Variants in EYS observed in about 807,000 individuals in gnomAD.
EYS encodes protein eyes shut homolog.
Under a neutral mutation model 282.1 loss-of-function variants are expected in EYS, and 250 were observed. The ratio of observed to expected loss-of-function variants is 0.89; its 90% confidence interval spans 0.80 to 0.98. The LOEUF is 0.98. EYS is among the 50% of genes least tolerant of loss of function. EYS has a pLI of 0.00. For synonymous variants in EYS, 1,355 were observed against 1,282.9 expected (o/e 1.06, Z -1.20); for missense variants, 4,016 against 3,709.0 (o/e 1.08, Z -2.15).
At position 64,185,171 on chromosome 6, in the gene EYS, GAAAT is replaced by G. The variant is rs1186937645; in HGVS notation, c.6424+45417_6424+45420del. Among the ~76,000 whole-genome samples, 46 of 149,178 alleles carry G rather than the reference GAAAT, an allele frequency of 3.1e-4. No individual in the cohort carries two copies. In the Admixed American group the frequency reaches 3.1e-3, roughly 10 times the overall value. ...AACTTGTCGGGCTCCCCAAATGTGA[GAAAT>G]AAATAAATAATAAATATGTCATAGC... is the stretch of plus-strand genomic sequence containing the variant. On this transcript the variant is annotated intron_variant, in intron 31 of 42. Transcript: ENST00000503581.
intron 13 of EYS, among the ~76,000 whole-genome samples, chr6:65,041,023 A>G (rs1772918218): frequency 6.6e-6 from 1 of 151,782 alleles, no homozygotes; most frequent in Admixed American, 6.6e-5. Context: ...AGAATTGTAG[A>G]TGAGGCTACT....
At chr6:65,529,203 G>T (rs1374446471) in intron 2 of EYS, among the ~76,000 whole-genome samples, 1 of 151,988 alleles carries the variant, frequency 6.6e-6, no homozygotes, top group Non-Finnish European at 1.5e-5. Context: ...TGTGAATGTT[G>T]CAAGGAGTGA....
At chr6:64,354,495 A>T (rs1365575467) in intron 29 of EYS, among the ~76,000 whole-genome samples, 1 of 151,636 alleles carries the variant, frequency 6.6e-6, no homozygotes, top group African/African-American at 2.4e-5. Context: ...CCATAAAAAA[A>T]GAATGTTAAG....
At chr6:64,130,608 CTAAAACT>C (rs2150281284) in intron 31 of EYS, among the ~76,000 whole-genome samples, 1 of 151,386 alleles carries the variant, frequency 6.6e-6, no homozygotes, top group South Asian at 2.1e-4. Flanking sequence ...CACATGTACC[CTAAAACT>C]TAAAGTATAA....
At chr6:65,012,900 C>T (rs914123250) in intron 13 of EYS, among the ~76,000 whole-genome samples, 6 of 148,952 alleles carry the variant, frequency 4.0e-5, no homozygotes, top group Non-Finnish European at 8.9e-5. Flanking sequence ...CAAGTGGCTA[C>T]TTTTTGCAAT....
intron 26 of EYS, among the ~76,000 whole-genome samples, chr6:64,551,773 T>C (rs1765091676): frequency 6.6e-6 from 1 of 151,936 alleles, no homozygotes; most frequent in Non-Finnish European, 1.5e-5. Flanking sequence ...ATAGAAAAAA[T>C]TTTCACACAC....
intron 30 of EYS, among the ~76,000 whole-genome samples, chr6:64,252,255 A>G (rs1386814402): frequency 6.6e-6 from 1 of 152,066 alleles, no homozygotes; most frequent in African/African-American, 2.4e-5. Context: ...ATCCTCTTTC[A>G]TTGATGCCTT....
intron 31 of EYS, among the ~76,000 whole-genome samples, chr6:64,171,624 TATA>T (rs66488224): frequency 0.31 from 47,060 of 151,518 alleles, 7,325 homozygotes; most frequent in East Asian, 0.51. Flanking sequence ...TGATTATTGA[TATA>T]ACAGTCTTCC....
intron 26 of EYS, among the ~76,000 whole-genome samples, chr6:64,531,490 C>T (rs1028265120): frequency 5.3e-5 from 8 of 151,488 alleles, no homozygotes; most frequent in Admixed American, 5.3e-4. Context: ...GGATTCACGC[C>T]ATTCTCCTGC....
chr6:64,931,173 C>T (rs751572185), intron 15 of EYS, among the ~76,000 whole-genome samples: 11 of 151,988 alleles, frequency 7.2e-5, no homozygotes, highest in Non-Finnish European at 1.3e-4. Flanking sequence ...TTCCATCAGA[C>T]GTTCATTTAT....
intron 35 of EYS, among the ~76,000 whole-genome samples, chr6:63,946,535 G>A (rs868387475): frequency 6.6e-6 from 1 of 151,860 alleles, no homozygotes; most frequent in African/African-American, 2.4e-5. Context: ...GAGGTCTTAC[G>A]CTACATTTTA....
chr6:65,344,239 T>C, intron 9 of EYS, 62 bp from the exon 10 acceptor site: 1 of 1,322,790 alleles, frequency 7.6e-7, no homozygotes, highest in Non-Finnish European at 1.1e-6. Context: ...CAGAATGAAT[T>C]ATTAAGGACT....
chr6:64,993,308 C>A (rs2150123648), intron 14 of EYS, among the ~76,000 whole-genome samples: 1 of 151,884 alleles, frequency 6.6e-6, no homozygotes, highest in Middle Eastern at 3.4e-3. Flanking sequence ...GTCTTTATAG[C>A]AGCATGATTT....
chr6:63,952,303 C>T (rs1765630488), intron 35 of EYS, among the ~76,000 whole-genome samples: 1 of 152,188 alleles, frequency 6.6e-6, no homozygotes, highest in Non-Finnish European at 1.5e-5. Flanking sequence ...GCAGCCACTC[C>T]CAGAGCCCCT....
At chr6:64,004,119 A>C (rs1323800147) in intron 33 of EYS, among the ~76,000 whole-genome samples, 3 of 151,972 alleles carry the variant, frequency 2.0e-5, no homozygotes, top group African/African-American at 7.2e-5. Flanking sequence ...CAGTCCTCTA[A>C]ATTTCTTAAT....
At chr6:65,614,078 C>G (rs530965073) in intron 2 of EYS, among the ~76,000 whole-genome samples, 2 of 151,898 alleles carry the variant, frequency 1.3e-5, no homozygotes, top group African/African-American at 2.4e-5. Flanking sequence ...ATATACAATA[C>G]GACGTGTCTT....
intron 31 of EYS, among the ~76,000 whole-genome samples, chr6:64,224,073 T>A (rs2150334756): frequency 6.6e-6 from 1 of 152,186 alleles, no homozygotes; most frequent in Admixed American, 6.6e-5. Flanking sequence ...TGTGACTTGT[T>A]TTCTATAATC....
intron 18 of EYS, among the ~76,000 whole-genome samples, chr6:64,890,479 C>T (rs1206230413): frequency 1.3e-5 from 2 of 152,058 alleles, no homozygotes; most frequent in African/African-American, 2.4e-5. Flanking sequence ...CTCTTTTGTA[C>T]GCTGTCCCTT....
chr6:63,881,357 TC>T (rs898766683), intron 35 of EYS, among the ~76,000 whole-genome samples: 15 of 152,302 alleles, frequency 9.8e-5, no homozygotes, highest in African/African-American at 3.6e-4. Context: ...CCTATTGGGT[TC>T]AGAAAAACCT....
Sources: gnomAD v4.1 joint callset for allele counts (sites outside exome capture counted in the v4.1 genomes callset) on GRCh38, gnomAD v4.1.1 for gene constraint, MANE v1.5 for transcripts, NCBI Gene and HGNC (gene_info 2026-07-23, HGNC 2026-07-21) for gene names.